Variants in MACROD2 observed in about 807,000 individuals in gnomAD.
The protein encoded by MACROD2 is mono-ADP ribosylhydrolase 2.
A neutral mutation model predicts 70.4 loss-of-function variants in MACROD2; 36 were observed. That is an observed-to-expected ratio of 0.51 (90% CI 0.39 to 0.68). MACROD2 has a LOEUF of 0.68. MACROD2 is among the 30% of genes least tolerant of loss of function. MACROD2 has a pLI of 0.00. For synonymous variants in MACROD2, 172 were observed against 178.8 expected (o/e 0.96, Z 0.30); for missense variants, 496 against 538.4 (o/e 0.92, Z 0.78).
chr20:14,939,215 T>C (rs912397460), intron 5 of MACROD2, among the ~76,000 whole-genome samples: 3 of 152,130 alleles, frequency 2.0e-5, no homozygotes, highest in African/African-American at 7.2e-5. Flanking sequence ...TCTAGTACTT[T>C]TATAGTTTCA....
intron 3 of MACROD2, among the ~76,000 whole-genome samples, chr20:14,362,147 C>A (rs964639646): frequency 6.6e-6 from 1 of 152,228 alleles, no homozygotes; most frequent in Admixed American, 6.5e-5. Context: ...TTTTATAGAT[C>A]CAAATAATGA....
At chr20:15,023,234 A>AGCCT (rs1480629004) in intron 5 of MACROD2, among the ~76,000 whole-genome samples, 1 of 152,198 alleles carries the variant, frequency 6.6e-6, no homozygotes, top group Non-Finnish European at 1.5e-5. Context: ...AAACACTTAG[A>AGCCT]GCCTCTATAA....
chr20:14,781,967 C>T (rs2072307218), intron 5 of MACROD2, among the ~76,000 whole-genome samples: 1 of 151,700 alleles, frequency 6.6e-6, no homozygotes, highest in Admixed American at 6.6e-5. Flanking sequence ...GCTCTGTCAC[C>T]CAGGCTGGAG....
chr20:15,543,055 T>C (rs190295800), intron 8 of MACROD2, among the ~76,000 whole-genome samples: 43 of 152,318 alleles, frequency 2.8e-4, no homozygotes, highest in African/African-American at 9.4e-4. Flanking sequence ...AAATTTAACA[T>C]TTTTTTAATC....
At chr20:16,024,891 C>A (rs1047474223) in intron 15 of MACROD2, among the ~76,000 whole-genome samples, 6 of 152,044 alleles carry the variant, frequency 3.9e-5, no homozygotes, top group Non-Finnish European at 8.8e-5. Flanking sequence ...TTTTTTTCCT[C>A]TTTAAAAAGC....
intron 5 of MACROD2, among the ~76,000 whole-genome samples, chr20:14,721,878 C>G (rs2071474089): frequency 6.6e-6 from 1 of 152,160 alleles, no homozygotes; most frequent in South Asian, 2.1e-4. Flanking sequence ...CATGCAGTGA[C>G]CTCTCTAATC....
At chr20:14,620,197 T>A (rs551330096) in intron 4 of MACROD2, among the ~76,000 whole-genome samples, 1 of 152,192 alleles carries the variant, frequency 6.6e-6, no homozygotes, top group South Asian at 2.1e-4. Context: ...ATAAGGATGA[T>A]GTGCCACTTC....
chr20:14,135,671 A>G (rs1046201379), intron 3 of MACROD2, among the ~76,000 whole-genome samples: 5 of 152,168 alleles, frequency 3.3e-5, no homozygotes, highest in African/African-American at 1.2e-4. Context: ...GCAAGACTCT[A>G]TCTCTAAAAA....
chr20:14,986,047 T>C (rs114440479), intron 5 of MACROD2, among the ~76,000 whole-genome samples: 2,029 of 152,284 alleles, frequency 0.013, 43 homozygotes, highest in African/African-American at 0.047. Context: ...CCTTTGGATT[T>C]TACCTTGACA....
At chr20:14,862,632 T>TATAA (rs1555840092) in intron 5 of MACROD2, among the ~76,000 whole-genome samples, 102 of 7,240 alleles carry the variant, frequency 0.014, 6 homozygotes, top group Non-Finnish European at 0.021. Context: ...TATATATAAA[T>TATAA]ATATATATAA....
chr20:14,013,584 C>G (rs984802975), intron 2 of MACROD2, among the ~76,000 whole-genome samples: 8 of 150,368 alleles, frequency 5.3e-5, no homozygotes, highest in African/African-American at 2.0e-4. Flanking sequence ...CTCAACTGTA[C>G]TTTCCTAAGA....
chr20:15,633,813 A>G (rs200769), intron 8 of MACROD2, among the ~76,000 whole-genome samples: 55 of 152,348 alleles, frequency 3.6e-4, no homozygotes, highest in African/African-American at 4.3e-4. Context: ...ATGTTTGTCT[A>G]CATACACATG....
chr20:14,782,391 G>A (rs1289318774), intron 5 of MACROD2, among the ~76,000 whole-genome samples: 1 of 152,054 alleles, frequency 6.6e-6, no homozygotes, highest in African/African-American at 2.4e-5. Flanking sequence ...TATACGGCTA[G>A]CCAATTCAAG....
At chr20:14,809,200 C>T (rs181084544) in intron 5 of MACROD2, among the ~76,000 whole-genome samples, 6 of 152,064 alleles carry the variant, frequency 3.9e-5, no homozygotes, top group Admixed American at 1.3e-4. Context: ...CACTCCTCAG[C>T]AAAGGCAAAA....
At chr20:14,319,084 T>G (rs2082637039) in intron 3 of MACROD2, among the ~76,000 whole-genome samples, 1 of 152,228 alleles carries the variant, frequency 6.6e-6, no homozygotes, top group South Asian at 2.1e-4. Context: ...GTCATCATTA[T>G]TCAAAAACAT....
intron 8 of MACROD2, among the ~76,000 whole-genome samples, chr20:15,701,289 T>C (rs2050454564): frequency 2.0e-5 from 3 of 152,242 alleles, no homozygotes. Flanking sequence ...CTGGGTTTTG[T>C]ATGCAATAAG....
intron 3 of MACROD2, among the ~76,000 whole-genome samples, chr20:14,402,023 C>T (rs570749657): frequency 3.9e-5 from 6 of 152,178 alleles, no homozygotes; most frequent in East Asian, 1.9e-4. Context: ...TTTTAATATA[C>T]TTAGATATAG....
chr20:15,903,029 G>C (rs1050812842), intron 10 of MACROD2, among the ~76,000 whole-genome samples: 1 of 152,138 alleles, frequency 6.6e-6, no homozygotes, highest in African/African-American at 2.4e-5. Flanking sequence ...AACCTGAAAA[G>C]CATAAAGGGG....
intron 3 of MACROD2, among the ~76,000 whole-genome samples, chr20:14,291,454 A>C (rs1318297646): frequency 6.7e-6 from 1 of 149,592 alleles, no homozygotes; most frequent in Admixed American, 6.6e-5. Context: ...AAGCCTCTGC[A>C]TGGGAAATCC....
Sources: allele counts gnomAD v4.1 joint callset (sites outside exome capture counted in the v4.1 genomes callset), GRCh38; gene constraint gnomAD v4.1.1; transcripts MANE v1.5; gene names NCBI Gene and HGNC (gene_info 2026-07-23, HGNC 2026-07-21).